The following BANP variants were observed in gnomAD, a reference collection of about 807,000 sequenced individuals.
BANP encodes the protein protein BANP.
Under a neutral mutation model 68.1 loss-of-function variants are expected in BANP, and 11 were observed. The ratio of observed to expected loss-of-function variants is 0.16; its 90% CI spans 0.10 to 0.27. The LOEUF (loss-of-function observed/expected upper bound fraction) is 0.27. Ranked by LOEUF, BANP falls within the 10% of genes least tolerant of loss-of-function variation. The pLI, the probability that BANP is intolerant of heterozygous loss-of-function variation, is 1.00. For synonymous variants in BANP, 329 were observed against 303.2 expected (o/e 1.09, Z -0.88); for missense variants, 504 against 722.7 (o/e 0.70, Z 3.47).
chr16:87,979,489 A>G (rs1265307997), intron 2 of BANP, among the ~76,000 whole-genome samples: 1 of 129,254 alleles, frequency 7.7e-6, no homozygotes, highest in Non-Finnish European at 1.9e-5. Flanking sequence ...GGGGCTGGAC[A>G]GAAGGTTGTT....
chr16:87,981,885 T>C (rs1012247170), intron 3 of BANP, among the ~76,000 whole-genome samples: 4 of 152,210 alleles, frequency 2.6e-5, no homozygotes, highest in Admixed American at 1.3e-4. Flanking sequence ...ATTTGCTTGG[T>C]TGGTTCCAGT....
At chr16:88,037,653 A>G (rs1310725743) in intron 10 of BANP, 4 of 374,312 alleles carry the variant, frequency 1.1e-5, no homozygotes, top group Non-Finnish European at 2.0e-5. Context: ...TCTCTCTGCT[A>G]CTTTCTGTAC....
intron 2 of BANP, chr16:87,980,735 T>C (rs1269926280): frequency 5.7e-5 from 17 of 298,236 alleles, no homozygotes; most frequent in Non-Finnish European, 1.0e-4. Flanking sequence ...TCGTGGGTTT[T>C]CTCAAACCAA....
intron 2 of BANP, 165 bp downstream of exon 2, chr16:87,975,350 C>A: frequency 1.4e-6 from 1 of 705,800 alleles, no homozygotes; most frequent in Admixed American, 2.4e-5. Flanking sequence ...CCCTCCCTTC[C>A]CTCGCCCCTG....
At chr16:88,054,255 C>T (rs1363604598) in intron 11 of BANP, among the ~76,000 whole-genome samples, 1 of 89,230 alleles carries the variant, frequency 1.1e-5, no homozygotes, top group East Asian at 2.3e-4. Context: ...ACACAGTCAC[C>T]TTCACCACCA....
intron 8 of BANP, among the ~76,000 whole-genome samples, chr16:88,031,805 C>T (rs2078239026): frequency 6.9e-6 from 1 of 145,652 alleles, no homozygotes; most frequent in African/African-American, 2.5e-5. Context: ...GCCCTCCCCT[C>T]TCTTGCCCCT....
chr16:88,071,486 G>A lies in BANP; in HGVS notation c.1378-583G>A, dbSNP rs1567943576. On this transcript the variant is annotated intron_variant, in intron 12 of 13. Coordinates refer to ENST00000682872, the MANE Select transcript of BANP (RefSeq NM_001386991.1). This position sits in a 1 kb window ranked among gnomAD's most constrained non-coding sequence, Gnocchi z 6.5. The stretch of plus-strand genomic sequence containing the variant: ...GTACAAGGTCGGGAGGGCCAGCGGG[G>A]CTCTCTGCCACCAGGACTCACTTCC... The A allele has an allele frequency of 6.6e-6, 3 of 456,366 alleles. No individual in the cohort carries two copies. The highest frequency in any genetic ancestry group is 4.6e-5 in the South Asian group (3 of 64,566). The allele number at this position is 456,366 out of a possible 1,614,324, so 28.3% of individuals were successfully genotyped here.
intron 11 of BANP, among the ~76,000 whole-genome samples, chr16:88,044,057 G>A (rs1598800120): frequency 1.3e-5 from 2 of 152,218 alleles, no homozygotes; most frequent in South Asian, 4.1e-4. Flanking sequence ...CAGGGGAACC[G>A]CTGGTTGGTC....
chr16:88,072,889 G>A (rs533732715), intron 13 of BANP, among the ~76,000 whole-genome samples: 32 of 152,380 alleles, frequency 2.1e-4, no homozygotes, highest in African/African-American at 7.7e-4. Context: ...CAGCGGGGAC[G>A]TTGTCCTTGT....
intron 1 of BANP, among the ~76,000 whole-genome samples, chr16:87,971,944 C>T (rs1170301142): frequency 6.6e-6 from 1 of 152,094 alleles, no homozygotes; most frequent in Non-Finnish European, 1.5e-5. Flanking sequence ...AGGCAGGTGC[C>T]ACTGTACCCA....
At chr16:88,051,007 G>T (rs1488006579) in intron 11 of BANP, among the ~76,000 whole-genome samples, 3 of 152,316 alleles carry the variant, frequency 2.0e-5, no homozygotes, top group South Asian at 2.1e-4. Context: ...TCATCTGCTT[G>T]CTGGTAGGTT....
intron 4 of BANP, among the ~76,000 whole-genome samples, chr16:87,985,278 T>C (rs2064131157): frequency 6.6e-6 from 1 of 152,212 alleles, no homozygotes; most frequent in African/African-American, 2.4e-5. Flanking sequence ...TACCCGGCCG[T>C]CTTCCGAGCT....
At chr16:88,051,416 T>C (rs945904214) in intron 11 of BANP, among the ~76,000 whole-genome samples, 6 of 152,194 alleles carry the variant, frequency 3.9e-5, no homozygotes, top group Admixed American at 3.3e-4. Flanking sequence ...CCAGCACACA[T>C]TGAGCTTGTA....
intron 1 of BANP, among the ~76,000 whole-genome samples, chr16:87,966,107 T>C (rs911134817): frequency 6.6e-6 from 1 of 152,260 alleles, no homozygotes; most frequent in African/African-American, 2.4e-5. Context: ...CCTTTTGCTA[T>C]CATATTCTGG....
At chr16:87,974,916 G>A in intron 1 of BANP, 132 bp from the exon 2 acceptor site, 1 of 572,492 alleles carries the variant, frequency 1.7e-6, no homozygotes, top group Non-Finnish European at 3.1e-6. Context: ...TTTGAGGCAA[G>A]AAGAACCCTG....
At chr16:88,035,185 T>C in intron 9 of BANP, 138 bp from the exon 10 acceptor site, 1 of 784,536 alleles carries the variant, frequency 1.3e-6, no homozygotes, top group Non-Finnish European at 2.1e-6. Context: ...GACCACAGAC[T>C]ATATTGCACT....
chr16:87,976,395 G>A (rs2062127225), intron 2 of BANP, among the ~76,000 whole-genome samples: 1 of 151,398 alleles, frequency 6.6e-6, no homozygotes, highest in Non-Finnish European at 1.5e-5. Flanking sequence ...GGAGACCCTT[G>A]AGAAATGAAA....
intron 7 of BANP, among the ~76,000 whole-genome samples, chr16:88,023,887 C>T (rs2076478047): frequency 6.6e-6 from 1 of 152,152 alleles, no homozygotes; most frequent in Non-Finnish European, 1.5e-5. Flanking sequence ...AAGGCAATCC[C>T]GTCCCGGCCT....
At chr16:87,963,552 C>T (rs913054455) in intron 1 of BANP, 2 of 152,344 alleles carry the variant, frequency 1.3e-5, no homozygotes, top group South Asian at 2.1e-4. Context: ...TATTGTTCCA[C>T]TTCCTGTGGA....
Sources: allele counts gnomAD v4.1 joint callset (sites outside exome capture counted in the v4.1 genomes callset), GRCh38; gene constraint gnomAD v4.1.1; non-coding constraint Gnocchi (gnomAD v3.1); transcripts MANE v1.5; gene names NCBI Gene and HGNC (gene_info 2026-07-23, HGNC 2026-07-21).